Variants in RGL1 observed in about 807,000 individuals in gnomAD.
The protein encoded by RGL1 is ral guanine nucleotide dissociation stimulator-like 1.
RGL1 carries 24 observed loss-of-function variants against 95.2 expected under a neutral mutation model. The observed-to-expected ratio is 0.25, with a 90% CI of 0.18 to 0.35. RGL1 has a LOEUF of 0.35. Ranked by LOEUF, RGL1 falls within the 10% of genes least tolerant of loss-of-function variation. RGL1 has a pLI of 1.00. For synonymous variants in RGL1, 329 were observed against 344.9 expected (o/e 0.95, Z 0.51); for missense variants, 715 against 936.3 (o/e 0.76, Z 3.08).
chr1:183,677,582 T>A (rs1428765981), intron 1 of RGL1, among the ~76,000 whole-genome samples: 1 of 152,236 alleles, frequency 6.6e-6, no homozygotes, highest in Non-Finnish European at 1.5e-5. Context: ...GGTTGCTTTA[T>A]GTCTTAATCC....
chr1:183,870,510 G>A (rs1666116696), intron 4 of RGL1, among the ~76,000 whole-genome samples: 1 of 151,094 alleles, frequency 6.6e-6, no homozygotes, highest in Non-Finnish European at 1.5e-5. Context: ...GGTGTCTTCT[G>A]GCCCGCTGTC....
rs1157978781 is a variant in RGL1 at position 183,752,698 on chromosome 1, CTCTCTCTT to C, written c.132+10412_132+10419del. ...TTTCTCTCTCTCTCTCTCTCTCTCT[CTCTCTCTT>C]TCCCCTTTCCTCTCTTTGGCCTTAA... On this transcript the variant is annotated intron_variant, in intron 2 of 18. Coordinates refer to the RGL1 transcript ENST00000304685. 4.8e-4 allele frequency among the ~76,000 whole-genome samples: 72 copies of C among 148,676 alleles called. 1 individual carries two copies. The highest frequency in any genetic ancestry group is 1.6e-3 in the African/African-American group (63 of 39,772).
intron 2 of RGL1, among the ~76,000 whole-genome samples, chr1:183,784,706 G>T (rs1483420312): frequency 1.3e-5 from 2 of 152,206 alleles, no homozygotes; most frequent in Non-Finnish European, 2.9e-5. Context: ...TGGCTAAAGA[G>T]TCTAGGCCTT....
At chr1:183,665,149 A>T (rs939090276) in intron 1 of RGL1, among the ~76,000 whole-genome samples, 1 of 152,150 alleles carries the variant, frequency 6.6e-6, no homozygotes, top group African/African-American at 2.4e-5. Context: ...TGGAAAAATC[A>T]TATGATTTTT....
intron 12 of RGL1, among the ~76,000 whole-genome samples, chr1:183,903,144 G>T (rs923099058): frequency 6.6e-6 from 1 of 151,926 alleles, no homozygotes; most frequent in African/African-American, 2.4e-5. Flanking sequence ...TTTTTAATTT[G>T]CCAATTAAAA....
intron 1 of RGL1, among the ~76,000 whole-genome samples, chr1:183,656,557 G>A (rs1651181759): frequency 6.6e-6 from 1 of 152,190 alleles, no homozygotes; most frequent in South Asian, 2.1e-4. Flanking sequence ...AAATCCAGCT[G>A]TTTCTGTACC....
Position 183,900,324 on chromosome 1 carries a change from A to T in RGL1, c.1317+88A>T, listed in dbSNP as rs183499516. The T allele has an allele frequency of 4.0e-4, 397 of 998,104 alleles. No homozygotes were observed. In the African/African-American group the frequency reaches 5.3e-3, roughly 13 times the overall value. The allele number at this position is 998,104 out of a possible 1,614,324, so 61.8% of individuals were successfully genotyped here. Reference sequence around the variant, plus strand: ...AGTTAACTTCTCTTAGTATCTTTTGAAGGTCCAAAAGTACATGGCATTGTG... The same window carrying T: ...AGTTAACTTCTCTTAGTATCTTTTGTAGGTCCAAAAGTACATGGCATTGTG... On this transcript the variant is annotated intron_variant, in intron 11 of 17. Coordinates refer to ENST00000360851, the MANE Select transcript of RGL1 (RefSeq NM_001297671.3).
At chr1:183,641,454 A>G (rs1305124000) in intron 1 of RGL1, among the ~76,000 whole-genome samples, 1 of 152,218 alleles carries the variant, frequency 6.6e-6, no homozygotes, top group East Asian at 1.9e-4. Context: ...TTTGTTTTGT[A>G]GATACAGTGT....
chr1:183,680,530 G>T (rs7530523), intron 1 of RGL1, among the ~76,000 whole-genome samples: 12,289 of 151,950 alleles, frequency 0.081, 912 homozygotes, highest in African/African-American at 0.2. Flanking sequence ...TGTTCCATTG[G>T]TCTATATATC....
chr1:183,892,584 TCAG>T (rs1206951051), intron 9 of RGL1, among the ~76,000 whole-genome samples: 1 of 152,172 alleles, frequency 6.6e-6, no homozygotes, highest in Non-Finnish European at 1.5e-5. Flanking sequence ...AATCTGTCAG[TCAG>T]CAGTATTTAT....
chr1:183,822,056 G>C (rs558724287), intron 2 of RGL1, among the ~76,000 whole-genome samples: 2 of 152,044 alleles, frequency 1.3e-5, no homozygotes, highest in Non-Finnish European at 2.9e-5. Context: ...TGTACTTTTG[G>C]CTGGGTTCTA....
intron 2 of RGL1, among the ~76,000 whole-genome samples, chr1:183,783,694 G>A (rs1660016064): frequency 6.6e-6 from 1 of 152,040 alleles, no homozygotes; most frequent in Admixed American, 6.6e-5. Flanking sequence ...ATATTCTTAG[G>A]GAAATAAGAC....
intron 2 of RGL1, among the ~76,000 whole-genome samples, chr1:183,830,458 C>T (rs1269488048): frequency 2.0e-5 from 3 of 152,164 alleles, no homozygotes; most frequent in African/African-American, 7.2e-5. Context: ...TATCACATAG[C>T]TGGTTGATTA....
At chr1:183,778,509 T>C (rs1473975663) in intron 2 of RGL1, among the ~76,000 whole-genome samples, 2 of 152,178 alleles carry the variant, frequency 1.3e-5, no homozygotes, top group African/African-American at 2.4e-5. Context: ...TCCTTTATGG[T>C]TTCAGGGATT....
chr1:183,912,328 C>A, intron 15 of RGL1, 60 bp downstream of exon 15: 1 of 1,362,320 alleles, frequency 7.3e-7, no homozygotes, highest in African/African-American at 1.4e-5. Flanking sequence ...CTTTGCCACA[C>A]CACAGCAAGG....
At chr1:183,789,982 A>T in intron 2 of RGL1, among the ~76,000 whole-genome samples, 1 of 151,522 alleles carries the variant, frequency 6.6e-6, no homozygotes, top group East Asian at 2.0e-4. Context: ...GTGCAGTGGC[A>T]TGATCTTGGC....
At chr1:183,900,051 T>C (rs1667928090) in intron 10 of RGL1, 99 bp from the exon 11 acceptor site, 1 of 837,720 alleles carries the variant, frequency 1.2e-6, no homozygotes, top group East Asian at 2.5e-5. Context: ...GGCCCGCAGT[T>C]AGGCCTTGAA....
intron 17 of RGL1, among the ~76,000 whole-genome samples, chr1:183,923,625 G>A (rs188830132): frequency 1.6e-4 from 25 of 152,112 alleles, no homozygotes; most frequent in Admixed American, 1.4e-3. Context: ...CCGGGCCTTG[G>A]TCCTTAATTA....
chr1:183,845,140 CAT>C (rs555889660), intron 2 of RGL1, among the ~76,000 whole-genome samples: 7 of 151,768 alleles, frequency 4.6e-5, no homozygotes, highest in East Asian at 3.9e-4. Context: ...TTAATTTTCA[CAT>C]GTGACTATTT....
Sources: allele counts gnomAD v4.1 joint callset (sites outside exome capture counted in the v4.1 genomes callset), GRCh38; gene constraint gnomAD v4.1.1; transcripts MANE v1.5; gene names NCBI Gene and HGNC (gene_info 2026-07-23, HGNC 2026-07-21).